The following RNF24 variants were observed in gnomAD, a reference collection of about 807,000 sequenced individuals.
RNF24 encodes the protein ring finger protein 24.
A neutral mutation model predicts 20.0 loss-of-function variants in RNF24; 14 were observed. The observed-to-expected ratio is 0.70, with a 90% CI of 0.46 to 1.10. The LOEUF is 1.10. Among genes scored for constraint, RNF24 ranks in the 50% least tolerant of loss-of-function variants. RNF24 has a pLI of 0.00. For synonymous variants in RNF24, 45 were observed against 61.1 expected (o/e 0.74, Z 1.23); for missense variants, 124 against 177.6 (o/e 0.70, Z 1.71).
chr20:4,008,330 T>TAA (rs1568672083), intron 1 of RNF24, among the ~76,000 whole-genome samples: 1 of 90,522 alleles, frequency 1.1e-5, no homozygotes, highest in East Asian at 2.6e-4. Flanking sequence ...ATTATATATA[T>TAA]AATATATATA....
chr20:3,942,378 A>G (rs1176876031), intron 4 of RNF24, among the ~76,000 whole-genome samples: 1 of 149,828 alleles, frequency 6.7e-6, no homozygotes, highest in Non-Finnish European at 1.5e-5. Flanking sequence ...TATGTTGCCC[A>G]GGCTGATCTT....
At chr20:3,959,649 G>T (rs2091180081) in intron 2 of RNF24, among the ~76,000 whole-genome samples, 1 of 152,066 alleles carries the variant, frequency 6.6e-6, no homozygotes, top group Non-Finnish European at 1.5e-5. Flanking sequence ...GCTCTACAGG[G>T]TTAATAACAA....
chr20:4,004,127 T>C (rs1981651798), intron 1 of RNF24, among the ~76,000 whole-genome samples: 1 of 152,180 alleles, frequency 6.6e-6, no homozygotes, highest in East Asian at 1.9e-4. Flanking sequence ...GATGACTCCC[T>C]ATCTTTTTTC....
chr20:3,940,496 GAA>G (rs1457359553), intron 4 of RNF24, among the ~76,000 whole-genome samples: 3 of 150,956 alleles, frequency 2.0e-5, no homozygotes, highest in Non-Finnish European at 4.4e-5. Flanking sequence ...CCAGGAGAGA[GAA>G]AGAGTGAAAT....
At chr20:3,968,610 T>C (rs2091283717) in intron 1 of RNF24, among the ~76,000 whole-genome samples, 1 of 152,194 alleles carries the variant, frequency 6.6e-6, no homozygotes, top group African/African-American at 2.4e-5. Context: ...AAAGCAAGAC[T>C]ATCTCTAAAA....
intron 1 of RNF24, among the ~76,000 whole-genome samples, chr20:4,000,291 A>C (rs574989251): frequency 6.6e-6 from 1 of 152,204 alleles, no homozygotes; most frequent in Non-Finnish European, 1.5e-5. Context: ...TGGGAGGCCG[A>C]GGTGGGTGGG....
Position 3,932,664 on chromosome 20 carries a change from C to A in RNF24, c.*1399G>T. 1 of 362,246 alleles carries A rather than the reference C, an allele frequency of 2.8e-6. No homozygotes were observed. The highest frequency in any genetic ancestry group is 4.9e-6 in the Non-Finnish European group (1 of 203,772). 22.4% of individuals were successfully genotyped at this position (362,246 alleles called of 1,614,324 possible). ...CTGTATTCCTAATGAAAAACTTCCCCCACTCACACCTGTGGGATGGAGTGG... is the reference window on the plus strand; with the variant it reads ...CTGTATTCCTAATGAAAAACTTCCCACACTCACACCTGTGGGATGGAGTGG... On this transcript the variant is annotated 3_prime_UTR_variant, in exon 6 of 6. Transcript: ENST00000358395.
chr20:4,014,747 A>G (rs1229185972), intron 1 of RNF24, among the ~76,000 whole-genome samples: 19 of 145,066 alleles, frequency 1.3e-4, no homozygotes, highest in East Asian at 3.9e-4. Flanking sequence ...GCGCACACAC[A>G]CACACACACA....
At chr20:3,964,898 A>G (rs994779366) in intron 1 of RNF24, among the ~76,000 whole-genome samples, 6 of 152,162 alleles carry the variant, frequency 3.9e-5, no homozygotes, top group Non-Finnish European at 7.4e-5. Context: ...CGGTATGTAC[A>G]CAGCCAGAGC....
At chr20:3,986,646 A>T (rs1174838314) in intron 1 of RNF24, among the ~76,000 whole-genome samples, 1 of 150,468 alleles carries the variant, frequency 6.6e-6, no homozygotes, top group African/African-American at 2.4e-5. Context: ...TGCATGCAGT[A>T]TAATTTTTTT....
At chr20:3,970,531 A>T (rs764299161) in intron 1 of RNF24, among the ~76,000 whole-genome samples, 1 of 152,266 alleles carries the variant, frequency 6.6e-6, no homozygotes, top group Non-Finnish European at 1.5e-5. Flanking sequence ...TGTTAAAATT[A>T]TCTGACAAAG....
At chr20:3,992,446 C>T (rs1455060701) in intron 1 of RNF24, among the ~76,000 whole-genome samples, 8 of 151,524 alleles carry the variant, frequency 5.3e-5, no homozygotes, top group Admixed American at 1.3e-4. Flanking sequence ...AAGTTTGTAA[C>T]ACAGATTACA....
chr20:4,013,831 A>T (rs1031524742), intron 1 of RNF24, among the ~76,000 whole-genome samples: 1 of 152,190 alleles, frequency 6.6e-6, no homozygotes, highest in Admixed American at 6.6e-5. Flanking sequence ...ATGAGTGGCT[A>T]ATTTCCCAAC....
chr20:4,006,825 C>CA (rs1279158573), intron 1 of RNF24, among the ~76,000 whole-genome samples: 1 of 152,182 alleles, frequency 6.6e-6, no homozygotes, highest in African/African-American at 2.4e-5. Context: ...AGTGGCCAGC[C>CA]AAAAGCAAGG....
chr20:4,011,366 C>T (rs1982445508), intron 1 of RNF24, among the ~76,000 whole-genome samples: 1 of 152,136 alleles, frequency 6.6e-6, no homozygotes, highest in Non-Finnish European at 1.5e-5. Context: ...TCTCAGGAAG[C>T]TACTCAAGAA....
chr20:3,979,570 G>C (rs562473933), intron 1 of RNF24, among the ~76,000 whole-genome samples: 2 of 152,218 alleles, frequency 1.3e-5, no homozygotes, highest in South Asian at 4.1e-4. Context: ...AGCTACTCAG[G>C]AGGCTGAGGC....
In RNF24 at chr20:4,005,691, T is replaced by G. The variant is rs549637414; in HGVS notation, c.-8+9746A>C. Among the ~76,000 whole-genome samples the G allele has an allele frequency of 7.9e-5, 12 of 152,296 alleles. No individual in the cohort carries two copies. The South Asian group carries it at 2.5e-3, about 32-fold the overall frequency. Reference sequence around the variant, plus strand: ...TGAGCATAATTTCACATGCTCAGATTTGGGAAGGAACAATAAAGAGATACA... The same window carrying G: ...TGAGCATAATTTCACATGCTCAGATGTGGGAAGGAACAATAAAGAGATACA... On this transcript the variant is annotated intron_variant, in intron 1 of 5. Transcript: ENST00000358395.
chr20:3,948,197 G>T, intron 3 of RNF24, 40 bp downstream of exon 3: 2 of 1,309,772 alleles, frequency 1.5e-6, no homozygotes, highest in Non-Finnish European at 1.1e-6. Context: ...TTTTTGGGGG[G>T]AAAAAAAAAA....
intron 1 of RNF24, chr20:3,974,414 T>C (rs1477194264): frequency 6.5e-7 from 1 of 1,540,218 alleles, no homozygotes; most frequent in Non-Finnish European, 8.7e-7. Flanking sequence ...GCCAGTGCAA[T>C]AAGGTAGAAA....
Sources: allele counts gnomAD v4.1 joint callset (sites outside exome capture counted in the v4.1 genomes callset), GRCh38; gene constraint gnomAD v4.1.1; transcripts MANE v1.5; gene names NCBI Gene and HGNC (gene_info 2026-07-23, HGNC 2026-07-21).